Variants in PLXNC1 observed in about 807,000 individuals in gnomAD.
PLXNC1 encodes plexin C1, also known as plexin-C1.
In PLXNC1, 75 loss-of-function variants were observed where a neutral mutation model predicts 178.2. The observed-to-expected ratio is 0.42, with a 90% CI of 0.35 to 0.51. PLXNC1 has a LOEUF of 0.51. Among genes scored for constraint, PLXNC1 ranks in the 20% least tolerant of loss-of-function variants. The probability of loss-of-function intolerance (pLI) is 0.02; values close to 1 mark genes in which losing one functional copy is unlikely to be tolerated. For missense variants in PLXNC1, 1,503 were observed against 1,984.4 expected, an observed-to-expected ratio of 0.76 and a Z score of 4.61; for synonymous variants, 790 against 779.9, an observed-to-expected ratio of 1.01 and a Z score of -0.22.
At chr12:94,226,767 C>A in intron 8 of PLXNC1, 60 bp downstream of exon 8, 1 of 1,200,970 alleles carries the variant, frequency 8.3e-7, no homozygotes, top group East Asian at 2.4e-5. Flanking sequence ...CTCACGCCTG[C>A]AATCCCAGCA....
At chr12:94,151,472 TG>T (rs1960958480) in intron 1 of PLXNC1, among the ~76,000 whole-genome samples, 1 of 152,200 alleles carries the variant, frequency 6.6e-6, no homozygotes, top group East Asian at 1.9e-4. Context: ...AACACATATT[TG>T]CCTCCTAAAT....
chr12:94,261,645 A>C (rs1964990505), intron 20 of PLXNC1, among the ~76,000 whole-genome samples: 1 of 152,216 alleles, frequency 6.6e-6, no homozygotes, highest in East Asian at 1.9e-4. Context: ...GGCCCCTGGT[A>C]CAGAAGATTC....
intron 23 of PLXNC1, 33 bp from the exon 24 acceptor site, chr12:94,294,452 TG>T: frequency 1.1e-6 from 1 of 949,162 alleles, no homozygotes; most frequent in Non-Finnish European, 1.7e-6. Flanking sequence ...CATTAAATTT[TG>T]AACACTCATA....
At chr12:94,262,508 G>A in intron 20 of PLXNC1, 1 of 985,500 alleles carries the variant, frequency 1.0e-6, no homozygotes, top group South Asian at 4.7e-5. Flanking sequence ...AAAGCATTCT[G>A]GGTCAAGACT....
intron 27 of PLXNC1, 109 bp from the exon 28 acceptor site, chr12:94,300,800 TG>T: frequency 3.2e-6 from 3 of 948,678 alleles, no homozygotes; most frequent in Non-Finnish European, 4.7e-6. Flanking sequence ...TAAGCAGAGT[TG>T]TATACTTCAA....
chr12:94,193,145 G>C lies in PLXNC1; in HGVS notation c.1439+6672G>C, dbSNP rs1467848058. Among the ~76,000 whole-genome samples the C allele has an allele frequency of 2.6e-5, 4 of 152,196 alleles. No individual in the cohort carries two copies. The East Asian group carries it at 7.7e-4, about 29-fold the overall frequency. On this transcript the variant is annotated intron_variant, in intron 4 of 30. Transcript: ENST00000258526. ...CCAGGAGAGCTTGGCCTGAAGCTCA[G>C]TGTGGACGAGCTTCACATTAAAGAA...
At chr12:94,176,126 C>T (rs1371189880) in intron 2 of PLXNC1, among the ~76,000 whole-genome samples, 2 of 152,202 alleles carry the variant, frequency 1.3e-5, no homozygotes, top group Non-Finnish European at 2.9e-5. Context: ...TGAGATTTCT[C>T]TTATGCAAAA....
chr12:94,294,499 C>A lies in PLXNC1; in HGVS notation c.3893C>A (p.Ser1298Tyr). ...CTTTGGTTTCAGATATCAAATGGATCCACTATAAAAGTCTTTAAGAAGATA... is the reference window on the plus strand; with the variant it reads ...CTTTGGTTTCAGATATCAAATGGATACACTATAAAAGTCTTTAAGAAGATA... ...TIGHYEISNG[S>Y]TIKVFKKIAN... The change falls in exon 24 of 31, where the codon TCC (serine) becomes TAC (tyrosine). Residue 1298 changes from serine to tyrosine, a missense_variant. Transcript: ENST00000258526. 3 of 1,315,402 alleles carry A rather than the reference C, an allele frequency of 2.3e-6. No individual in the cohort carries two copies. The highest frequency in any genetic ancestry group is 3.3e-6 in the Non-Finnish European group (3 of 917,422). 81.5% of individuals were successfully genotyped at this position (1,315,402 alleles called of 1,614,324 possible).
At chr12:94,186,119 A>G in intron 3 of PLXNC1, 1 of 366,846 alleles carries the variant, frequency 2.7e-6, no homozygotes, top group South Asian at 3.9e-5. Flanking sequence ...ACAACTTCCT[A>G]GGCTCTGCCC....
chr12:94,236,792 A>G (rs889401386), intron 9 of PLXNC1, among the ~76,000 whole-genome samples: 2 of 152,234 alleles, frequency 1.3e-5, no homozygotes, highest in African/African-American at 4.8e-5. Flanking sequence ...ATGGTCTACA[A>G]AAGAACAGTG....
chr12:94,254,549 T>TA, intron 15 of PLXNC1: 1 of 656,684 alleles, frequency 1.5e-6, no homozygotes, highest in Non-Finnish European at 2.8e-6. Context: ...GAGTAAGGTT[T>TA]TGGTTTTTTT....
At chr12:94,218,054 G>C (rs1336432892) in intron 5 of PLXNC1, among the ~76,000 whole-genome samples, 2 of 152,238 alleles carry the variant, frequency 1.3e-5, no homozygotes, top group African/African-American at 2.4e-5. Flanking sequence ...TATAACGTTT[G>C]AGTGTGAATT....
chr12:94,177,531 A>AAGAAAGAAAG (rs10640872), intron 2 of PLXNC1, among the ~76,000 whole-genome samples: 18,726 of 150,238 alleles, frequency 0.12, 2,043 homozygotes, highest in African/African-American at 0.29. Context: ...GAGAGGGAGA[A>AAGAAAGAAAG]AGAAAGAAAG....
At chr12:94,226,540 G>A (rs996697774) in intron 7 of PLXNC1, 65 bp from the exon 8 acceptor site, 3 of 1,110,366 alleles carry the variant, frequency 2.7e-6, no homozygotes, top group Non-Finnish European at 1.4e-6. Flanking sequence ...CATCACAGAG[G>A]GAAATTCTAG....
intron 4 of PLXNC1, among the ~76,000 whole-genome samples, chr12:94,190,102 G>A (rs1340052525): frequency 6.6e-6 from 1 of 152,156 alleles, no homozygotes; most frequent in Non-Finnish European, 1.5e-5. Flanking sequence ...GGGAGAGGAA[G>A]CAGCCAGGCC....
intron 20 of PLXNC1, among the ~76,000 whole-genome samples, chr12:94,264,838 G>A (rs376581544): frequency 4.6e-5 from 7 of 152,376 alleles, no homozygotes; most frequent in East Asian, 1.9e-4. Context: ...GGTACTGCAC[G>A]TCGCTGTGAA....
At chr12:94,160,615 G>A (rs1489581614) in intron 1 of PLXNC1, among the ~76,000 whole-genome samples, 15 of 152,158 alleles carry the variant, frequency 9.9e-5, no homozygotes, top group Admixed American at 9.2e-4. Context: ...GGCAATAGAG[G>A]GGGGAATAGC....
At chr12:94,186,509 T>C in intron 4 of PLXNC1, 36 bp downstream of exon 4, 1 of 1,413,134 alleles carries the variant, frequency 7.1e-7, no homozygotes, top group Non-Finnish European at 1.0e-6. Flanking sequence ...ACTCGCATTT[T>C]TGAAAAAGTG....
At chr12:94,183,943 CT>C (rs1962416737) in intron 3 of PLXNC1, among the ~76,000 whole-genome samples, 1 of 152,060 alleles carries the variant, frequency 6.6e-6, no homozygotes, top group Non-Finnish European at 1.5e-5. Context: ...AAGGAAGGCT[CT>C]TGGGGAGATA....
Sources: gnomAD v4.1 joint callset for allele counts (sites outside exome capture counted in the v4.1 genomes callset) on GRCh38, gnomAD v4.1.1 for gene constraint, MANE v1.5 for transcripts, NCBI Gene and HGNC (gene_info 2026-07-23, HGNC 2026-07-21) for gene names.